Variants in ADGRV1 observed in about 807,000 individuals in gnomAD.
ADGRV1 encodes adhesion G protein-coupled receptor V1.
ADGRV1 carries 359 observed loss-of-function variants against 596.2 expected under a neutral mutation model. The ratio of observed to expected loss-of-function variants is 0.60; its 90% CI spans 0.55 to 0.66. The LOEUF is 0.66. Ranked by LOEUF, ADGRV1 falls within the 30% of genes least tolerant of loss-of-function variation. The pLI, the probability that ADGRV1 is intolerant of heterozygous loss-of-function variation, is 0.00. For missense variants in ADGRV1, 7,274 were observed against 7,575.6 expected (o/e 0.96, Z 1.48); for synonymous variants, 2,681 against 2,679.2 (o/e 1.00, Z -0.02).
Position 90,629,428 on chromosome 5 carries a change from T to C in ADGRV1, c.1728T>C (p.Asn576=). Residue 576 remains asparagine (N), a synonymous_variant, in exon 9 of 90, where the codon AAT becomes AAC. Transcript: ENST00000405460. ...TGCAAGCAAAAGAAGGCATCTTAAA[T>C]ATATCAAGGAGAAATGACCTCATTT... ...DPLQAKEGIL[N]ISRRNDLIFP... The C allele has an allele frequency of 6.2e-7, 1 of 1,613,692 alleles. No homozygotes were observed. The highest frequency in any genetic ancestry group is 8.5e-7 in the Non-Finnish European group (1 of 1,179,780).
intron 83 of ADGRV1, among the ~76,000 whole-genome samples, chr5:90,868,893 A>G (rs1456079968): frequency 6.6e-6 from 1 of 152,136 alleles, no homozygotes; most frequent in Non-Finnish European, 1.5e-5. Flanking sequence ...TCAACATTCA[A>G]TTGTGAAATT....
intron 4 of ADGRV1, among the ~76,000 whole-genome samples, chr5:90,622,108 C>G (rs961995993): frequency 6.6e-6 from 1 of 152,204 alleles, no homozygotes; most frequent in Non-Finnish European, 1.5e-5. Context: ...GAAGTCTTTG[C>G]TTTCACCTCC....
chr5:90,890,250 C>T (rs1019728366), intron 83 of ADGRV1, among the ~76,000 whole-genome samples: 3 of 152,162 alleles, frequency 2.0e-5, no homozygotes, highest in African/African-American at 7.2e-5. Context: ...TGTACACTAG[C>T]TGTGTGTAGG....
At chr5:90,907,796 A>G (rs1772462543) in intron 83 of ADGRV1, among the ~76,000 whole-genome samples, 2 of 152,006 alleles carry the variant, frequency 1.3e-5, no homozygotes, top group Admixed American at 1.3e-4. Context: ...TACCTACCAC[A>G]GTATCTGCTA....
intron 60 of ADGRV1, among the ~76,000 whole-genome samples, chr5:90,775,271 T>G (rs1488538076): frequency 1.3e-5 from 2 of 152,114 alleles, no homozygotes; most frequent in Non-Finnish European, 2.9e-5. Context: ...ATACTTAGGG[T>G]AGTTATAATT....
intron 75 of ADGRV1, among the ~76,000 whole-genome samples, chr5:90,819,023 C>T (rs1272870953): frequency 2.6e-5 from 4 of 152,072 alleles, no homozygotes; most frequent in African/African-American, 9.7e-5. Flanking sequence ...TGGTAGAAAT[C>T]GGCTGTGAAT....
chr5:91,131,705 A>G (rs937092093), intron 87 of ADGRV1, among the ~76,000 whole-genome samples: 2 of 152,106 alleles, frequency 1.3e-5, no homozygotes, highest in Non-Finnish European at 2.9e-5. Context: ...CCTTTGTCAG[A>G]TGGATAGTTT....
At position 90,750,688 on chromosome 5, in the gene ADGRV1, C is replaced by T. The variant is rs374562106; in HGVS notation, c.11112C>T (p.Thr3704=). The change falls in exon 53 of 90, where the codon ACC becomes ACT. Residue 3704 remains threonine (T), a synonymous_variant. Coordinates refer to ENST00000405460, the MANE Select transcript of ADGRV1 (RefSeq NM_032119.4). ...GAAGTATTAGTGATATATTTCCTAC[C>T]TCAGGAGTGGTATGTAATTTACAAA... ...ADGSISDIFP[T]SGVILFTEGQ... is the part of the protein sequence containing the mutation. 1.7e-5 allele frequency: 27 copies of T among 1,610,786 alleles called. No homozygotes were observed. Among genetic ancestry groups the T allele is most frequent in the Non-Finnish European group, 2.0e-5 (24 of 1,177,454 alleles).
Position 91,001,261 on chromosome 5 carries a change from G to A in ADGRV1, c.18152+15739G>A, listed in dbSNP as rs375486611. Among the ~76,000 whole-genome samples the A allele has an allele frequency of 1.2e-3, 184 of 151,918 alleles. 1 individual carries two copies. The highest frequency in any genetic ancestry group is 4.3e-3 in the African/African-American group (180 of 41,434). On this transcript the variant is annotated intron_variant, in intron 85 of 89. Coordinates refer to ENST00000405460, the MANE Select transcript of ADGRV1 (RefSeq NM_032119.4). ...CCTGGCTAATATTTTTATCTTTTGT[G>A]GAGACCAGGTCTCACTATGTTACCC...
intron 85 of ADGRV1, among the ~76,000 whole-genome samples, chr5:91,022,348 C>T (rs1362037634): frequency 3.3e-5 from 5 of 152,004 alleles, no homozygotes; most frequent in Non-Finnish European, 7.4e-5. Context: ...CATCCAACTA[C>T]TCATCGTGTC....
At chr5:90,756,191 A>G (rs905701021) in intron 55 of ADGRV1, among the ~76,000 whole-genome samples, 1 of 152,142 alleles carries the variant, frequency 6.6e-6, no homozygotes, top group Admixed American at 6.5e-5. Context: ...AAATTTCAGG[A>G]TAGATTTTTA....
rs1163841166 is a variant in ADGRV1, at chr5:90,810,737, A to G, written c.15477A>G (p.Thr5159=). 6.2e-7 allele frequency: 1 copy of G among 1,613,784 alleles called. No homozygotes were observed. The highest frequency in any genetic ancestry group is 2.2e-5 in the East Asian group (1 of 44,888). The change falls in exon 74 of 90, where the codon ACA becomes ACG. Residue 5159 remains threonine, a synonymous_variant. Coordinates refer to ENST00000405460, the MANE Select transcript of ADGRV1 (RefSeq NM_032119.4). ...TLIPVETEST[T]YLSTSKTTTI... ...TTCCTGTAGAAACTGAATCCACCAC[A>G]TACCTCAGCACAAGCAAGACGACTA...
At chr5:91,148,659 A>G (rs1212323340) in intron 87 of ADGRV1, among the ~76,000 whole-genome samples, 2 of 152,198 alleles carry the variant, frequency 1.3e-5, no homozygotes, top group Non-Finnish European at 2.9e-5. Flanking sequence ...GCCCCCACAC[A>G]GAGTCCCCAC....
chr5:90,725,206 T>G lies in ADGRV1; in HGVS notation c.10027T>G (p.Phe3343Val), dbSNP rs1174212225. The G allele has an allele frequency of 6.7e-7, 1 of 1,498,204 alleles. No homozygotes were observed. Among genetic ancestry groups the G allele is most frequent in the South Asian group, 1.3e-5 (1 of 77,130 alleles). The allele number at this position is 1,498,204 out of a possible 1,614,324, so 92.8% of individuals were successfully genotyped here. A position where few individuals can be genotyped will look rare whatever the true frequency, so the allele number is the denominator to read the frequency against. Residue 3343 changes from phenylalanine (F) to valine (V), a missense_variant, in exon 47 of 90, where the codon TTC becomes GTC. Coordinates refer to ENST00000405460, the MANE Select transcript of ADGRV1 (RefSeq NM_032119.4). ...GCCTTCTCTTAACAGTGTGTTTACA[T>G]TCACATCTGGATTTAAATTATTCCT... ...EKPSLNSVFT[F>V]TSGFKLFLVQ...
chr5:90,690,212 A>G (rs1240221294), intron 30 of ADGRV1, 136 bp downstream of exon 30: 1 of 609,424 alleles, frequency 1.6e-6, no homozygotes, highest in Non-Finnish European at 2.9e-6. Context: ...CATATAGGAC[A>G]TCTGTACACA....
At chr5:90,928,127 G>A (rs551426606) in intron 83 of ADGRV1, among the ~76,000 whole-genome samples, 1 of 151,992 alleles carries the variant, frequency 6.6e-6, no homozygotes, top group Admixed American at 6.6e-5. Context: ...TGCTCTTCTC[G>A]AGGAGTATCT....
At chr5:91,146,596 G>T (rs1400625050) in intron 87 of ADGRV1, among the ~76,000 whole-genome samples, 1 of 152,158 alleles carries the variant, frequency 6.6e-6, no homozygotes, top group African/African-American at 2.4e-5. Context: ...AGATAAGTAG[G>T]TGAGATATAC....
At chr5:91,054,164 G>T (rs80080812) in intron 85 of ADGRV1, among the ~76,000 whole-genome samples, 2,254 of 151,582 alleles carry the variant, frequency 0.015, 57 homozygotes, top group African/African-American at 0.052. Flanking sequence ...GCTAAAGAGA[G>T]CAAACCGGGA....
intron 48 of ADGRV1, 141 bp from the exon 49 acceptor site, chr5:90,728,528 T>C (rs1752098546): frequency 1.4e-6 from 1 of 731,850 alleles, no homozygotes; most frequent in African/African-American, 1.8e-5. Flanking sequence ...GGAGCATCAG[T>C]TTTAGTATTT....
Sources: gnomAD v4.1 joint callset for allele counts (sites outside exome capture counted in the v4.1 genomes callset) on GRCh38, gnomAD v4.1.1 for gene constraint, MANE v1.5 for transcripts, NCBI Gene and HGNC (gene_info 2026-07-23, HGNC 2026-07-21) for gene names.